SRGAP1: variants seen among roughly 807,000 people sequenced by gnomAD.
SRGAP1 encodes SLIT-ROBO Rho GTPase-activating protein 1.
SRGAP1 carries 43 observed loss-of-function variants against 121.9 expected under a neutral mutation model. The ratio of observed to expected loss-of-function variants is 0.35; its 90% CI spans 0.28 to 0.46. SRGAP1 has a LOEUF of 0.46. SRGAP1 is among the 20% of genes least tolerant of loss of function. SRGAP1 has a pLI of 1.00. For missense variants in SRGAP1, 1,102 were observed against 1,350.9 expected, an observed-to-expected ratio of 0.82 and a Z score of 2.89; for synonymous variants, 447 against 485.4, an observed-to-expected ratio of 0.92 and a Z score of 1.04.
intron 15 of SRGAP1, 183 bp downstream of exon 15, chr12:64,097,558 C>A: frequency 1.7e-6 from 1 of 581,794 alleles, no homozygotes; most frequent in Non-Finnish European, 2.7e-6. Context: ...TGGCCTCACC[C>A]TCGGCTGAGT....
intron 12 of SRGAP1, among the ~76,000 whole-genome samples, chr12:64,092,344 T>C (rs7960125): frequency 0.16 from 23,671 of 152,164 alleles, 2,404 homozygotes; most frequent in African/African-American, 0.26. Context: ...TGAGAAACCA[T>C]GTCATTAATA....
Position 64,150,762 on chromosome 12 carries a change from C to T in SRGAP1, c.*8090C>T, listed in dbSNP as rs1217812036. 1 of 137,818 alleles carries T rather than the reference C, an allele frequency of 7.3e-6. No homozygotes were observed. The highest frequency in any genetic ancestry group is 1.5e-5 in the Non-Finnish European group (1 of 66,616). The allele number at this position is 137,818 out of a possible 1,614,324, so 8.5% of individuals were successfully genotyped here. On this transcript the variant is annotated 3_prime_UTR_variant, in exon 22 of 22. Transcript: ENST00000355086. ...ATTTTTTTGTGAGATCCCATCTCTA[C>T]CAAAAAAAAAAAAAATACAAAAATT...
intron 1 of SRGAP1, among the ~76,000 whole-genome samples, chr12:63,922,395 A>G (rs1156688506): frequency 6.6e-6 from 1 of 152,200 alleles, no homozygotes; most frequent in African/African-American, 2.4e-5. Flanking sequence ...TTGTAAACAG[A>G]AGGCATTTCA....
At chr12:63,957,971 A>G (rs1016280812) in intron 1 of SRGAP1, among the ~76,000 whole-genome samples, 1 of 152,218 alleles carries the variant, frequency 6.6e-6, no homozygotes, top group Non-Finnish European at 1.5e-5. Context: ...AGTGCACTGC[A>G]TAGTGCCACC....
chr12:64,114,543 G>T (rs1350360505), intron 17 of SRGAP1, among the ~76,000 whole-genome samples: 2 of 151,962 alleles, frequency 1.3e-5, no homozygotes, highest in African/African-American at 2.4e-5. Flanking sequence ...CAGAGACAGG[G>T]TTTCACCATG....
intron 4 of SRGAP1, among the ~76,000 whole-genome samples, chr12:64,019,529 A>G (rs536735307): frequency 1.3e-5 from 2 of 152,312 alleles, no homozygotes; most frequent in South Asian, 2.1e-4. Context: ...GCCAGAGGTC[A>G]TATTCTGTGG....
chr12:64,131,054 G>A (rs1269565121), intron 21 of SRGAP1, among the ~76,000 whole-genome samples: 1 of 152,168 alleles, frequency 6.6e-6, no homozygotes, highest in Non-Finnish European at 1.5e-5. Context: ...AGTCCATGTT[G>A]CTGAGCCCAT....
At chr12:64,016,106 G>A (rs539968158) in intron 3 of SRGAP1, among the ~76,000 whole-genome samples, 1 of 152,016 alleles carries the variant, frequency 6.6e-6, no homozygotes, top group Non-Finnish European at 1.5e-5. Context: ...AAATGCAGAG[G>A]TAAAAGTTGA....
chr12:63,944,868 G>C (rs895043502), intron 1 of SRGAP1, among the ~76,000 whole-genome samples: 1 of 152,186 alleles, frequency 6.6e-6, no homozygotes, highest in Non-Finnish European at 1.5e-5. Context: ...AAAGTGCCCT[G>C]CTAGCTCCTT....
chr12:63,898,692 G>T (rs1489594980), intron 1 of SRGAP1, among the ~76,000 whole-genome samples: 1 of 152,050 alleles, frequency 6.6e-6, no homozygotes, highest in African/African-American at 2.4e-5. Context: ...TCAAAGCATT[G>T]GTTATAAGCT....
intron 1 of SRGAP1, among the ~76,000 whole-genome samples, chr12:63,916,499 C>G (rs749862503): frequency 2.0e-5 from 3 of 152,184 alleles, no homozygotes; most frequent in Non-Finnish European, 4.4e-5. Flanking sequence ...CAGCTCTATA[C>G]CAGACGCTGG....
chr12:64,002,641 T>C (rs1034788473), intron 3 of SRGAP1, among the ~76,000 whole-genome samples: 1 of 152,164 alleles, frequency 6.6e-6, no homozygotes, highest in African/African-American at 2.4e-5. Context: ...ACTTCGAGAA[T>C]TGAACTATAG....
chr12:63,948,834 A>ATTCCATATATATATT (rs1480868712), intron 1 of SRGAP1, among the ~76,000 whole-genome samples: 1 of 137,476 alleles, frequency 7.3e-6, no homozygotes, highest in South Asian at 2.2e-4. Flanking sequence ...CCATATATAT[A>ATTCCATATATATATT]TTCCATATAT....
At chr12:63,882,579 C>T (rs922484877) in intron 1 of SRGAP1, among the ~76,000 whole-genome samples, 4 of 152,084 alleles carry the variant, frequency 2.6e-5, no homozygotes, top group Non-Finnish European at 5.9e-5. Context: ...CTACCACGCC[C>T]GGCCCTATAA....
intron 9 of SRGAP1, 45 bp downstream of exon 9, chr12:64,079,161 G>A (rs751122535): frequency 5.0e-6 from 8 of 1,606,862 alleles, no homozygotes; most frequent in Non-Finnish European, 6.8e-6. Flanking sequence ...CTCAGATCTA[G>A]GATTCCCAAG....
chr12:64,102,422 C>T (rs548354766), intron 15 of SRGAP1, among the ~76,000 whole-genome samples: 16 of 152,304 alleles, frequency 1.1e-4, no homozygotes, highest in African/African-American at 3.6e-4. Flanking sequence ...TCATACTCTA[C>T]AATTCATCCA....
chr12:63,998,039 A>G (rs1042756806), intron 3 of SRGAP1, among the ~76,000 whole-genome samples: 2 of 152,180 alleles, frequency 1.3e-5, no homozygotes, highest in African/African-American at 4.8e-5. Flanking sequence ...GCAAAAGTCT[A>G]CATCCCCACC....
intron 6 of SRGAP1, among the ~76,000 whole-genome samples, chr12:64,045,652 T>C (rs1182358506): frequency 6.6e-6 from 1 of 152,104 alleles, no homozygotes; most frequent in Non-Finnish European, 1.5e-5. Context: ...GTTAGGCTGG[T>C]CTCGAACTCC....
chr12:64,136,175 T>C (rs750057504), intron 21 of SRGAP1, among the ~76,000 whole-genome samples: 18 of 152,210 alleles, frequency 1.2e-4, no homozygotes, highest in Non-Finnish European at 2.1e-4. Flanking sequence ...CCAGGATTAA[T>C]ACTTCGCATC....
Sources: allele counts gnomAD v4.1 joint callset (sites outside exome capture counted in the v4.1 genomes callset), GRCh38; gene constraint gnomAD v4.1.1; transcripts MANE v1.5; gene names NCBI Gene and HGNC (gene_info 2026-07-23, HGNC 2026-07-21).